Variants in ITGA11 observed in about 807,000 individuals in gnomAD.
ITGA11 encodes the protein integrin subunit alpha 11.
Under a neutral mutation model 141.9 loss-of-function variants are expected in ITGA11, and 97 were observed. That is an observed-to-expected ratio of 0.68 (90% CI 0.58 to 0.81). The LOEUF (loss-of-function observed/expected upper bound fraction) is 0.81, where lower values mean the gene tolerates loss of function less well. Ranked by LOEUF, ITGA11 falls within the 30% of genes least tolerant of loss-of-function variation. The probability of loss-of-function intolerance (pLI) is 0.00; values close to 1 mark genes in which losing one functional copy is unlikely to be tolerated. For synonymous variants in ITGA11, 658 were observed against 624.6 expected (o/e 1.05, Z -0.80); for missense variants, 1,387 against 1,559.2 (o/e 0.89, Z 1.86).
Position 68,297,526 on chromosome 15 carries a change from T to C in ITGA11, c.*5533A>G, listed in dbSNP as rs994951095. 12 of 146,552 alleles carry C rather than the reference T, an allele frequency of 8.2e-5. No individual in the cohort carries two copies. The highest frequency in any genetic ancestry group is 3.0e-4 in the African/African-American group (12 of 40,072). 9.1% of individuals were successfully genotyped at this position (146,552 alleles called of 1,614,324 possible). On this transcript the variant is annotated 3_prime_UTR_variant, in exon 30 of 30. Transcript: ENST00000315757. ...CAGAGTTTTGTTTTGTTTTTTTTTT[T>C]AGGTTTTTCTTTTTAATGAAGGTCT...
At position 68,322,292 on chromosome 15, in the gene ITGA11, C is replaced by G. The variant is rs1189640371; in HGVS notation, c.2323-789G>C. On this transcript the variant is annotated intron_variant, in intron 18 of 29. Coordinates refer to ENST00000315757, the MANE Select transcript of ITGA11 (RefSeq NM_001004439.2). This position sits in a 1 kb window ranked among gnomAD's most constrained non-coding sequence, Gnocchi z 5.6. ...TCAGGCAGGGAATGTCCTGACAGAC[C>G]TGCATGCTGAAGGCTGCCCTGGCTG... Among the ~76,000 whole-genome samples the G allele has an allele frequency of 6.6e-6, 1 of 152,130 alleles. No individual in the cohort carries two copies. Among genetic ancestry groups the G allele is most frequent in the African/African-American group, 2.4e-5 (1 of 41,428 alleles).
intron 2 of ITGA11, among the ~76,000 whole-genome samples, chr15:68,390,946 G>A (rs1896105546): frequency 6.6e-6 from 1 of 152,162 alleles, no homozygotes; most frequent in African/African-American, 2.4e-5. Flanking sequence ...ACATCCCACT[G>A]GGGTCATGCT....
chr15:68,348,275 C>T (rs1222887439), intron 10 of ITGA11, among the ~76,000 whole-genome samples: 1 of 152,116 alleles, frequency 6.6e-6, no homozygotes, highest in African/African-American at 2.4e-5. Flanking sequence ...ATGCAGCACC[C>T]ACACAGTGGG....
Position 68,326,871 on chromosome 15 carries a change from AG to A in ITGA11, c.2069-76del. 3.4e-6 allele frequency: 5 copies of A among 1,482,578 alleles called. No individual in the cohort carries two copies. Among genetic ancestry groups the A allele is most frequent in the Non-Finnish European group, 4.5e-6 (5 of 1,104,148 alleles). The allele number at this position is 1,482,578 out of a possible 1,614,324, so 91.8% of individuals were successfully genotyped here. Reference sequence around the variant, plus strand: ...CCAAGACTGTCTGCCTCCTCCAGGAAGCCCCCCAGGCTGGCCAGGGGAGAGC... The same window carrying A: ...CCAAGACTGTCTGCCTCCTCCAGGAACCCCCCAGGCTGGCCAGGGGAGAGC... On this transcript the variant is annotated intron_variant, in intron 16 of 29. Coordinates refer to ENST00000315757, the MANE Select transcript of ITGA11 (RefSeq NM_001004439.2). The surrounding 1 kb of genome is among the most constrained non-coding windows in gnomAD (Gnocchi z 6.8).
intron 2 of ITGA11, among the ~76,000 whole-genome samples, 185 bp downstream of exon 2, chr15:68,402,732 AT>A (rs1896539994): frequency 6.6e-6 from 1 of 152,190 alleles, no homozygotes; most frequent in African/African-American, 2.4e-5. Flanking sequence ...GAAATTGAAC[AT>A]TCAAGCTTTC....
chr15:68,380,665 G>A (rs1323340326), intron 2 of ITGA11, among the ~76,000 whole-genome samples: 2 of 152,186 alleles, frequency 1.3e-5, no homozygotes, highest in Admixed American at 6.5e-5. Flanking sequence ...GGTGAAAAAG[G>A]GCTGGGGCTC....
At chr15:68,375,615 C>T (rs1895708802) in intron 2 of ITGA11, among the ~76,000 whole-genome samples, 1 of 152,170 alleles carries the variant, frequency 6.6e-6, no homozygotes, top group Non-Finnish European at 1.5e-5. Flanking sequence ...CACCTTGGCT[C>T]ACACATCTGG....
chr15:68,305,577 C>T lies in ITGA11; in HGVS notation c.3382-1692G>A, dbSNP rs1374625903. ...GAGCCATGTGGAGTGAATGGACCAC[C>T]TGCAACAGCAGACAGAGCCCTCCTT... On this transcript the variant is annotated intron_variant, in intron 28 of 29. Coordinates refer to ENST00000315757, the MANE Select transcript of ITGA11 (RefSeq NM_001004439.2). The surrounding 1 kb of genome is among the most constrained non-coding windows in gnomAD (Gnocchi z 4.6). Among the ~76,000 whole-genome samples, 1 of 152,192 alleles carries T rather than the reference C, an allele frequency of 6.6e-6. No individual in the cohort carries two copies. The highest frequency in any genetic ancestry group is 2.4e-5 in the African/African-American group (1 of 41,442).
At chr15:68,431,009 G>C (rs2084033) in intron 1 of ITGA11, among the ~76,000 whole-genome samples, 2 of 152,140 alleles carry the variant, frequency 1.3e-5, no homozygotes, top group African/African-American at 4.8e-5. Flanking sequence ...AGCCCACGCA[G>C]AAGGGGAGGC....
In ITGA11 at chr15:68,326,350, G is replaced by A. The variant is rs185937916; in HGVS notation, c.2211+304C>T. On this transcript the variant is annotated intron_variant, in intron 17 of 29. Coordinates refer to ENST00000315757, the MANE Select transcript of ITGA11 (RefSeq NM_001004439.2). The surrounding 1 kb of genome is among the most constrained non-coding windows in gnomAD (Gnocchi z 6.8). ...CCTGCTTATCCCTCCCTTTGGGGCT[G>A]TGCCCCCCACCAGCTGCTCCTAGTT... 7.6e-4 allele frequency among the ~76,000 whole-genome samples: 116 copies of A among 152,296 alleles called. No individual in the cohort carries two copies. Among genetic ancestry groups the A allele is most frequent in the African/African-American group, 2.7e-3 (114 of 41,560 alleles).
chr15:68,350,858 C>T, intron 8 of ITGA11, 76 bp from the exon 9 acceptor site: 1 of 1,481,592 alleles, frequency 6.7e-7, no homozygotes, highest in Non-Finnish European at 9.1e-7. Context: ...GGCCTAGACC[C>T]TGGGGACCCC....
At chr15:68,323,217 CA>C (rs1188773114) in intron 18 of ITGA11, among the ~76,000 whole-genome samples, 3 of 152,148 alleles carry the variant, frequency 2.0e-5, no homozygotes, top group African/African-American at 7.2e-5. Context: ...AAGCCATATC[CA>C]GGGGTCACCG....
intron 11 of ITGA11, among the ~76,000 whole-genome samples, chr15:68,338,870 C>T (rs187336416): frequency 3.3e-5 from 5 of 152,306 alleles, no homozygotes; most frequent in East Asian, 3.9e-4. Context: ...CCCCCCTTGC[C>T]GCCCTCCCCT....
Position 68,326,873 on chromosome 15 carries a change from C to A in ITGA11, c.2069-77G>T, listed in dbSNP as rs951291209. The stretch of plus-strand genomic sequence containing the variant: ...AAGACTGTCTGCCTCCTCCAGGAAG[C>A]CCCCCAGGCTGGCCAGGGGAGAGCT... On this transcript the variant is annotated intron_variant, in intron 16 of 29. Transcript: ENST00000315757. This position sits in a 1 kb window ranked among gnomAD's most constrained non-coding sequence, Gnocchi z 6.8. The A allele has an allele frequency of 6.8e-7, 1 of 1,469,716 alleles. No individual in the cohort carries two copies. Among genetic ancestry groups the A allele is most frequent in the Non-Finnish European group, 9.1e-7 (1 of 1,095,470 alleles). The allele number at this position is 1,469,716 out of a possible 1,614,324, so 91.0% of individuals were successfully genotyped here.
chr15:68,393,168 T>A (rs1218609211), intron 2 of ITGA11, among the ~76,000 whole-genome samples: 2 of 152,112 alleles, frequency 1.3e-5, no homozygotes, highest in Admixed American at 1.3e-4. Context: ...GACAGATGAA[T>A]AGAGGATATC....
At chr15:68,412,550 T>G (rs1453119675) in intron 1 of ITGA11, among the ~76,000 whole-genome samples, 1 of 151,900 alleles carries the variant, frequency 6.6e-6, no homozygotes, top group Non-Finnish European at 1.5e-5. Context: ...CTCCTTCACC[T>G]CATTTTCTCT....
chr15:68,368,175 C>T (rs2140359053), intron 3 of ITGA11, among the ~76,000 whole-genome samples: 1 of 152,318 alleles, frequency 6.6e-6, no homozygotes, highest in East Asian at 1.9e-4. Context: ...TGAGACCCTG[C>T]TGCCCTTCCC....
intron 2 of ITGA11, among the ~76,000 whole-genome samples, chr15:68,399,627 A>G (rs993137582): frequency 6.6e-6 from 1 of 152,184 alleles, no homozygotes; most frequent in African/African-American, 2.4e-5. Context: ...CTACACAACC[A>G]TGAAAAAGAA....
chr15:68,373,409 A>AG (rs1877642573), intron 2 of ITGA11, among the ~76,000 whole-genome samples: 1 of 152,252 alleles, frequency 6.6e-6, no homozygotes, highest in South Asian at 2.1e-4. Flanking sequence ...GCCTAAGAGA[A>AG]GCCCCTGAAT....
Sources: gnomAD v4.1 joint callset for allele counts (sites outside exome capture counted in the v4.1 genomes callset) on GRCh38, gnomAD v4.1.1 for gene constraint, Gnocchi (gnomAD v3.1) non-coding constraint, MANE v1.5 for transcripts, NCBI Gene and HGNC (gene_info 2026-07-23, HGNC 2026-07-21) for gene names.